The following SUFU variants were observed in gnomAD, a reference collection of about 807,000 sequenced individuals.
The protein encoded by SUFU is SUFU negative regulator of hedgehog signaling, also known as suppressor of fused homolog.
SUFU carries 7 observed loss-of-function variants against 58.9 expected under a neutral mutation model. The ratio of observed to expected loss-of-function variants is 0.12; its 90% CI spans 0.07 to 0.22. The LOEUF is 0.22. SUFU is among the 10% of genes least tolerant of loss of function. The pLI is 1.00. For missense variants in SUFU, 451 were observed against 641.3 expected, an observed-to-expected ratio of 0.70 and a Z score of 3.20; for synonymous variants, 232 against 254.8, an observed-to-expected ratio of 0.91 and a Z score of 0.85.
Position 102,631,575 on chromosome 10 carries a change from C to A in SUFU, c.*1420C>A, listed in dbSNP as rs1256513793. 4.3e-6 allele frequency: 1 copy of A among 233,442 alleles called. No individual in the cohort carries two copies. The highest frequency in any genetic ancestry group is 8.5e-6 in the Non-Finnish European group (1 of 118,248). 14.5% of individuals were successfully genotyped at this position (233,442 alleles called of 1,614,324 possible). ...ACACCTCTTCAAAGCAAAGTCATGA[C>A]AATGCAGGGCTCCTCATTGCTCCCA... On this transcript the variant is annotated 3_prime_UTR_variant, in exon 12 of 12. Coordinates refer to ENST00000369902, the MANE Select transcript of SUFU (RefSeq NM_016169.4).
chr10:102,540,549 G>A (rs766235811), intron 2 of SUFU, among the ~76,000 whole-genome samples: 1 of 151,898 alleles, frequency 6.6e-6, no homozygotes, highest in Non-Finnish European at 1.5e-5. Context: ...TGCTCAGGAG[G>A]CTGAGGCAGG....
intron 2 of SUFU, among the ~76,000 whole-genome samples, chr10:102,526,322 G>GC (rs1262235162): frequency 6.6e-6 from 1 of 152,124 alleles, no homozygotes; most frequent in East Asian, 1.9e-4. Context: ...GGAGGCCACG[G>GC]GGGGGTGGAT....
In SUFU at chr10:102,536,288, A is replaced by G. The variant is rs185559835; in HGVS notation, c.318-13682A>G. On this transcript the variant is annotated intron_variant, in intron 2 of 11. Transcript: ENST00000369902. ...GCCTGGCCAGGAGATTATAAATGGT[A>G]GAAAATTTTGGAAAATACAAAGAAG... 2.6e-3 allele frequency among the ~76,000 whole-genome samples: 390 copies of G among 151,322 alleles called. 1 individual carries two copies. The highest frequency in any genetic ancestry group is 4.3e-3 in the Non-Finnish European group (289 of 67,804).
chr10:102,601,986 G>A (rs2063518510), intron 8 of SUFU, among the ~76,000 whole-genome samples: 1 of 152,232 alleles, frequency 6.6e-6, no homozygotes, highest in Non-Finnish European at 1.5e-5. Flanking sequence ...AGCTAAATCA[G>A]AGGCTCAGAG....
intron 2 of SUFU, among the ~76,000 whole-genome samples, chr10:102,528,263 T>G (rs749649020): frequency 1.4e-4 from 21 of 152,194 alleles, no homozygotes; most frequent in Non-Finnish European, 2.5e-4. Context: ...TGCCCTTGGC[T>G]TAGAATTTCT....
intron 8 of SUFU, among the ~76,000 whole-genome samples, chr10:102,612,048 A>G (rs561786805): frequency 5.9e-5 from 9 of 152,360 alleles, no homozygotes; most frequent in Non-Finnish European, 1.0e-4. Flanking sequence ...TAAGCTGACA[A>G]CCATGCAAAA....
At chr10:102,528,347 A>T (rs2062636195) in intron 2 of SUFU, among the ~76,000 whole-genome samples, 1 of 152,108 alleles carries the variant, frequency 6.6e-6, no homozygotes, top group South Asian at 2.1e-4. Context: ...AGGTAGGAGA[A>T]CTGCTTGAGC....
chr10:102,549,357 GA>G (rs1301679727), intron 2 of SUFU, among the ~76,000 whole-genome samples: 1 of 152,234 alleles, frequency 6.6e-6, no homozygotes, highest in Non-Finnish European at 1.5e-5. Context: ...CAAAAGCAGA[GA>G]AAACTGCCCT....
chr10:102,540,819 C>T (rs1178599867), intron 2 of SUFU, among the ~76,000 whole-genome samples: 1 of 151,502 alleles, frequency 6.6e-6, no homozygotes, highest in African/African-American at 2.4e-5. Context: ...GTCAGGAGCT[C>T]GAGACCAGCC....
chr10:102,515,237 CTTG>C (rs915265533), intron 2 of SUFU, among the ~76,000 whole-genome samples: 7 of 151,784 alleles, frequency 4.6e-5, no homozygotes, highest in African/African-American at 1.2e-4. Context: ...AACTTTTCCA[CTTG>C]TTGTTTAGTG....
intron 8 of SUFU, among the ~76,000 whole-genome samples, chr10:102,613,330 G>A (rs909107260): frequency 3.3e-5 from 5 of 152,266 alleles, no homozygotes; most frequent in Non-Finnish European, 2.9e-5. Context: ...GGAAGGGACC[G>A]CTTTGTGAAG....
chr10:102,593,779 C>T (rs941206932), intron 5 of SUFU, 58 bp downstream of exon 5: 1 of 1,548,634 alleles, frequency 6.5e-7, no homozygotes, highest in Admixed American at 1.7e-5. Flanking sequence ...GGGAGTCCCT[C>T]CACTACCCTC....
rs747625757 is a variant in SUFU at position 102,589,442 on chromosome 10, C to CTTT, written c.455-3121_455-3119dup. Reference sequence around the variant, plus strand: ...CAATCTGGAAGTATTTTCTTTCTTTCTTTTTTTTTTTTTTTTTTTTTGAGA... The same window carrying CTTT: ...CAATCTGGAAGTATTTTCTTTCTTTCTTTTTTTTTTTTTTTTTTTTTTTTGAGA... On this transcript the variant is annotated intron_variant, in intron 3 of 11. Transcript: ENST00000369902. Among the ~76,000 whole-genome samples, 146 of 65,340 alleles carry CTTT rather than the reference C, an allele frequency of 2.2e-3. 26 individuals are homozygous for CTTT. Among genetic ancestry groups the CTTT allele is most frequent in the African/African-American group, 4.9e-3 (79 of 15,988 alleles). The allele number at this position is 65,340 out of a possible 152,430, so 42.9% of individuals were successfully genotyped here. A position where few individuals can be genotyped will look rare whatever the true frequency, so the allele number is the denominator to read the frequency against.
At chr10:102,595,870 T>G (rs1445248761) in intron 6 of SUFU, among the ~76,000 whole-genome samples, 4 of 152,206 alleles carry the variant, frequency 2.6e-5, no homozygotes, top group African/African-American at 4.8e-5. Context: ...GTCTTAACTT[T>G]TTCTTTTTAC....
chr10:102,600,051 T>G (rs2063502477), intron 8 of SUFU, among the ~76,000 whole-genome samples: 1 of 152,100 alleles, frequency 6.6e-6, no homozygotes, highest in Non-Finnish European at 1.5e-5. Flanking sequence ...AAGGAAGTCT[T>G]TTGCAGGCCT....
chr10:102,610,372 G>A (rs1403351939), intron 8 of SUFU, among the ~76,000 whole-genome samples: 1 of 123,762 alleles, frequency 8.1e-6, no homozygotes, highest in Non-Finnish European at 1.6e-5. Flanking sequence ...CAGCCTGGGC[G>A]TCGCAGCAAG....
intron 3 of SUFU, among the ~76,000 whole-genome samples, chr10:102,556,022 C>T (rs1337546421): frequency 2.6e-5 from 4 of 152,226 alleles, no homozygotes. Flanking sequence ...TGAGAACATG[C>T]TCAGCAGTGT....
intron 3 of SUFU, among the ~76,000 whole-genome samples, chr10:102,552,925 A>G (rs1376152982): frequency 6.6e-6 from 1 of 152,198 alleles, no homozygotes; most frequent in Non-Finnish European, 1.5e-5. Flanking sequence ...AGGATTGGAA[A>G]TTTTCAAAAT....
At position 102,615,304 on chromosome 10, in the gene SUFU, G is replaced by T. The variant is rs780683814; in HGVS notation, c.1059G>T (p.Thr353=). The T allele has an allele frequency of 1.2e-6, 2 of 1,614,032 alleles. No homozygotes were observed. The highest frequency in any genetic ancestry group is 2.7e-5 in the African/African-American group (2 of 74,888). Residue 353 remains threonine, a synonymous_variant, in exon 9 of 12, where the codon ACG becomes ACT. Transcript: ENST00000369902. ...ACAGCCTGGAAAGTGACAGCTCCAC[G>T]GCCATCATTCCCCATGAGCTGATTC... is the stretch of plus-strand genomic sequence containing the variant. ...RKDSLESDSS[T]AIIPHELIRT...
Sources: allele counts gnomAD v4.1 joint callset (sites outside exome capture counted in the v4.1 genomes callset), GRCh38; gene constraint gnomAD v4.1.1; transcripts MANE v1.5; gene names NCBI Gene and HGNC (gene_info 2026-07-23, HGNC 2026-07-21).